MIX23: variants seen among roughly 807,000 people sequenced by gnomAD.
The protein encoded by MIX23 is protein MIX23.
In MIX23, 13 loss-of-function variants were observed where a neutral mutation model predicts 21.6. The ratio of observed to expected loss-of-function variants is 0.60; its 90% CI spans 0.39 to 0.96. The LOEUF is 0.96. Among genes scored for constraint, MIX23 ranks in the 40% least tolerant of loss-of-function variants. The probability of loss-of-function intolerance (pLI) is 0.00; values close to 1 mark genes in which losing one functional copy is unlikely to be tolerated. For synonymous variants in MIX23, 59 were observed against 58.0 expected (o/e 1.02, Z -0.08); for missense variants, 144 against 171.2 (o/e 0.84, Z 0.89).
intron 3 of MIX23, chr3:122,366,636 C>T (rs2075398669): frequency 6.6e-6 from 1 of 152,160 alleles, no homozygotes; most frequent in Non-Finnish European, 1.5e-5. Context: ...CCTATTATGC[C>T]ATCTTAAAAT....
At chr3:122,378,764 T>A (rs1243550611) in intron 1 of MIX23, among the ~76,000 whole-genome samples, 6 of 152,214 alleles carry the variant, frequency 3.9e-5, no homozygotes, top group Non-Finnish European at 8.8e-5. Context: ...CATGACTCTG[T>A]ATCAATTTTT....
At chr3:122,378,939 T>C (rs879325516) in intron 1 of MIX23, among the ~76,000 whole-genome samples, 1 of 152,224 alleles carries the variant, frequency 6.6e-6, no homozygotes, top group Non-Finnish European at 1.5e-5. Flanking sequence ...CTGTTGCTAG[T>C]GGCTATCATA....
At chr3:122,369,104 T>C (rs909724680) in intron 2 of MIX23, among the ~76,000 whole-genome samples, 1 of 152,234 alleles carries the variant, frequency 6.6e-6, no homozygotes, top group Non-Finnish European at 1.5e-5. Context: ...ATTTTGATAA[T>C]ACCCCAAAAT....
At chr3:122,368,353 A>T (rs1448219555) in intron 2 of MIX23, 31 bp from the exon 3 acceptor site, 1 of 1,544,798 alleles carries the variant, frequency 6.5e-7, no homozygotes. Context: ...AAGGAGAAAA[A>T]AAAACTGCAT....
chr3:122,368,398 C>A (rs2075413574), intron 2 of MIX23, 76 bp from the exon 3 acceptor site: 4 of 1,366,474 alleles, frequency 2.9e-6, no homozygotes. Flanking sequence ...TCAAAAAAAT[C>A]CTTGAGACTA....
At position 122,365,041 on chromosome 3, in the gene MIX23, A is replaced by G. The variant is rs559788281; in HGVS notation, c.325-2014T>C. ...GATATTACAGCCAATTTCTAATACAATTTTATCAGTGCTACCAACAAACTG... is the reference window on the plus strand; with the variant it reads ...GATATTACAGCCAATTTCTAATACAGTTTTATCAGTGCTACCAACAAACTG... On this transcript the variant is annotated intron_variant, in intron 3 of 4. Coordinates refer to ENST00000291458, the MANE Select transcript of MIX23 (RefSeq NM_001017928.4). Among the ~76,000 whole-genome samples, 3 of 152,298 alleles carry G rather than the reference A, an allele frequency of 2.0e-5. No homozygotes were observed. The South Asian group carries it at 6.2e-4, about 32-fold the overall frequency.
intron 3 of MIX23, among the ~76,000 whole-genome samples, chr3:122,363,791 T>C (rs1254834691): frequency 2.0e-5 from 3 of 148,844 alleles, no homozygotes; most frequent in Non-Finnish European, 4.4e-5. Flanking sequence ...GCCAACCTAA[T>C]TACTCCAACA....
At chr3:122,378,574 C>T (rs2075506420) in intron 1 of MIX23, among the ~76,000 whole-genome samples, 1 of 152,206 alleles carries the variant, frequency 6.6e-6, no homozygotes, top group South Asian at 2.1e-4. Context: ...TGCTTTTAGG[C>T]TACAAACCTA....
chr3:122,369,398 G>A (rs974840180), intron 2 of MIX23, among the ~76,000 whole-genome samples: 1 of 152,206 alleles, frequency 6.6e-6, no homozygotes, highest in African/African-American at 2.4e-5. Context: ...GAAGGAAGCT[G>A]GGTCAGGGAT....
Position 122,383,191 on chromosome 3 carries a change from C to A in MIX23, c.34G>T (p.Glu12Ter). 3 of 1,613,584 alleles carry A rather than the reference C, an allele frequency of 1.9e-6. No individual in the cohort carries two copies. The highest frequency in any genetic ancestry group is 2.5e-6 in the Non-Finnish European group (3 of 1,180,042). ...CCCATCACCTGGAACTCGGCGAACT[C>A]CTCACAGTTCACACCGCCACTGGGC... Reference protein sequence around the residue: ...AAPSGGVNCEEFAEFQELLKV... With the variant: ...AAPSGGVNCE The change falls in exon 1 of 5, where the codon GAG becomes TAG. Residue 12 changes from glutamate (E) to a stop codon, truncating the protein, a stop_gained. Transcript: ENST00000291458. LOFTEE classifies it high-confidence loss of function.
At chr3:122,360,814 G>A (rs2075352759) in intron 4 of MIX23, among the ~76,000 whole-genome samples, 1 of 151,954 alleles carries the variant, frequency 6.6e-6, no homozygotes, top group African/African-American at 2.4e-5. Context: ...AAACACAGAG[G>A]TTGTGAGGTA....
intron 1 of MIX23, among the ~76,000 whole-genome samples, chr3:122,379,880 TGTA>T (rs1192938253): frequency 6.6e-6 from 1 of 152,232 alleles, no homozygotes; most frequent in Non-Finnish European, 1.5e-5. Context: ...AACCTCTCAT[TGTA>T]GGCTGACTCT....
At chr3:122,371,897 A>G in intron 1 of MIX23, 97 bp from the exon 2 acceptor site, 1 of 1,057,476 alleles carries the variant, frequency 9.5e-7, no homozygotes, top group South Asian at 1.6e-5. Context: ...GATATTTTAC[A>G]ATCCTTTAAG....
chr3:122,359,830 T>TTAAAAAAAA lies in MIX23; in HGVS notation c.*38_*39insTTTTTTTTA, dbSNP rs777269009. The TTAAAAAAAA allele has an allele frequency of 6.9e-6, 7 of 1,007,846 alleles. No homozygotes were observed. The African/African-American group carries it at 2.3e-4, about 33-fold the overall frequency. The allele number at this position is 1,007,846 out of a possible 1,614,324, so 62.4% of individuals were successfully genotyped here. A position where few individuals can be genotyped will look rare whatever the true frequency, so the allele number is the denominator to read the frequency against. ...AGCTCTTATGAGATGACCCAGTCCT[T>TTAAAAAAAA]AAAAAAAAAAAAAAAAAAAAAAAAA... On this transcript the variant is annotated 3_prime_UTR_variant, in exon 5 of 5. Transcript: ENST00000291458.
chr3:122,381,108 G>A (rs894190432), intron 1 of MIX23, among the ~76,000 whole-genome samples: 11 of 152,238 alleles, frequency 7.2e-5, no homozygotes, highest in African/African-American at 2.6e-4. Flanking sequence ...CCTCTGCCTA[G>A]AATACCCCTA....
At chr3:122,363,582 G>A (rs1368339133) in intron 3 of MIX23, among the ~76,000 whole-genome samples, 1 of 151,622 alleles carries the variant, frequency 6.6e-6, no homozygotes, top group African/African-American at 2.4e-5. Context: ...CTACAGACTT[G>A]CAAAGATAGC....
chr3:122,382,922 G>A (rs2075546062), intron 1 of MIX23, among the ~76,000 whole-genome samples: 1 of 152,204 alleles, frequency 6.6e-6, no homozygotes, highest in Non-Finnish European at 1.5e-5. Context: ...TACCACAGCA[G>A]ATTACCCAGA....
chr3:122,369,687 A>T (rs1329099900), intron 2 of MIX23, among the ~76,000 whole-genome samples: 1 of 152,232 alleles, frequency 6.6e-6, no homozygotes, highest in African/African-American at 2.4e-5. Flanking sequence ...TGATTCAACA[A>T]GGAGATAAAA....
rs140450689 is a variant in MIX23 at position 122,378,540 on chromosome 3, C to G, written c.51+4634G>C. ...CTAGATGGTATGGCCTACTTACACA[C>G]TTAGGCTATATAGTATAGATGATTG... On this transcript the variant is annotated intron_variant, in intron 1 of 4. Transcript: ENST00000291458. 2.6e-5 allele frequency among the ~76,000 whole-genome samples: 4 copies of G among 152,330 alleles called. No individual in the cohort carries two copies. The East Asian group carries it at 7.7e-4, about 29-fold the overall frequency.
Sources: gnomAD v4.1 joint callset for allele counts (sites outside exome capture counted in the v4.1 genomes callset) on GRCh38, gnomAD v4.1.1 for gene constraint, MANE v1.5 for transcripts, NCBI Gene and HGNC (gene_info 2026-07-23, HGNC 2026-07-21) for gene names.